PDHX: variants seen among roughly 807,000 people sequenced by gnomAD.
PDHX encodes the protein pyruvate dehydrogenase protein X component, mitochondrial.
Under a neutral mutation model 55.3 loss-of-function variants are expected in PDHX, and 33 were observed. The observed-to-expected ratio is 0.60, with a 90% CI of 0.45 to 0.80. The LOEUF is 0.80. Ranked by LOEUF, PDHX falls within the 30% of genes least tolerant of loss-of-function variation. PDHX has a pLI of 0.00. For synonymous variants in PDHX, 226 were observed against 219.4 expected, an observed-to-expected ratio of 1.03 and a Z score of -0.27; for missense variants, 622 against 619.9, an observed-to-expected ratio of 1.00 and a Z score of -0.04.
At chr11:34,943,062 T>TG (rs1393905629) in intron 2 of PDHX, among the ~76,000 whole-genome samples, 1 of 151,958 alleles carries the variant, frequency 6.6e-6, no homozygotes, top group Non-Finnish European at 1.5e-5. Context: ...TCATGTTTTT[T>TG]TCTAAAGCAT....
chr11:34,955,957 C>T (rs1294045870), intron 3 of PDHX, among the ~76,000 whole-genome samples: 1 of 151,948 alleles, frequency 6.6e-6, no homozygotes, highest in African/African-American at 2.4e-5. Context: ...GAAAATTAGT[C>T]ATTTTACTTT....
intron 9 of PDHX, among the ~76,000 whole-genome samples, chr11:34,988,726 CT>C (rs1243729001): frequency 6.6e-6 from 1 of 152,148 alleles, no homozygotes; most frequent in Non-Finnish European, 1.5e-5. Flanking sequence ...TAAGACCAAT[CT>C]TTTGGTTTGG....
intron 2 of PDHX, among the ~76,000 whole-genome samples, chr11:34,945,835 G>A (rs1854607998): frequency 6.6e-6 from 1 of 152,112 alleles, no homozygotes; most frequent in Admixed American, 6.5e-5. Context: ...TCAAGATTTA[G>A]AACATTCTTA....
chr11:34,951,921 G>T (rs1169840106), intron 3 of PDHX, among the ~76,000 whole-genome samples: 2 of 152,046 alleles, frequency 1.3e-5, no homozygotes, highest in South Asian at 2.1e-4. Context: ...CATATGGCTA[G>T]CCAGTTTTCC....
In PDHX at chr11:34,966,567, A is replaced by G. The variant is rs372832411; in HGVS notation, c.642-73A>G. On this transcript the variant is annotated intron_variant, in intron 5 of 10. Transcript: ENST00000227868. The stretch of plus-strand genomic sequence containing the variant: ...TTTCTGTATCTTTTCTCCACATCTC[A>G]CCTGCGTTTTCTGAAAGTTCTGTTA... 7 of 1,354,004 alleles carry G rather than the reference A, an allele frequency of 5.2e-6. No individual in the cohort carries two copies. In the African/African-American group the frequency reaches 1.0e-4, roughly 19 times the overall value. 83.9% of individuals were successfully genotyped at this position (1,354,004 alleles called of 1,614,324 possible).
chr11:34,915,992 TG>T (rs1223571121), upstream of PDHX: 1 of 590,912 alleles, frequency 1.7e-6, no homozygotes, highest in Non-Finnish European at 2.9e-6. Context: ...TTCCAACGTT[TG>T]GCGCCCAGCT....
chr11:34,928,781 AGTATGTGT>A (rs1273885513), intron 1 of PDHX, among the ~76,000 whole-genome samples: 3 of 152,092 alleles, frequency 2.0e-5, no homozygotes, highest in East Asian at 3.8e-4. Context: ...TGTGTAAGAG[AGTATGTGT>A]GTATGTGTGT....
intron 1 of PDHX, among the ~76,000 whole-genome samples, chr11:34,929,487 G>A (rs1202285134): frequency 6.6e-6 from 1 of 152,130 alleles, no homozygotes; most frequent in Non-Finnish European, 1.5e-5. Context: ...CGGCAAAAGT[G>A]GTGTTTTAAT....
At position 34,960,443 on chromosome 11, in the gene PDHX, G is replaced by A. The variant is rs61752925; in HGVS notation, c.566G>A (p.Arg189His). The change falls in exon 5 of 11, where the codon CGC becomes CAC. Residue 189 changes from arginine to histidine, a missense_variant. Arg to His is a conservative substitution (Grantham distance 29). Transcript: ENST00000227868. ...TLRFRLSPAA[R>H]NILEKHSLDA... ...AGGTTCCGTTTAAGTCCAGCTGCCC[G>A]CAATATTCTGGAAAAACACTCACTG... is the stretch of plus-strand genomic sequence containing the variant. 1.2e-3 allele frequency: 1,906 copies of A among 1,612,678 alleles called. 20 individuals carry two copies. In the African/African-American group the frequency reaches 0.022, roughly 19 times the overall value.
intron 6 of PDHX, among the ~76,000 whole-genome samples, chr11:34,969,076 C>G (rs1334888404): frequency 1.3e-5 from 2 of 152,188 alleles, no homozygotes; most frequent in African/African-American, 4.8e-5. Flanking sequence ...TCAGGGCAAA[C>G]AACCACTGCT....
intron 1 of PDHX, among the ~76,000 whole-genome samples, chr11:34,926,475 T>C (rs1854024484): frequency 6.6e-6 from 1 of 152,162 alleles, no homozygotes; most frequent in South Asian, 2.1e-4. Context: ...CTTCATTTCA[T>C]GATTTTTGCA....
intron 10 of PDHX, among the ~76,000 whole-genome samples, chr11:34,993,580 A>G (rs7123633): frequency 0.047 from 7,171 of 152,122 alleles, 537 homozygotes; most frequent in African/African-American, 0.16. Context: ...TGAAAAGGTG[A>G]TTATATATGT....
At chr11:34,923,534 T>C (rs1422203312) in intron 1 of PDHX, among the ~76,000 whole-genome samples, 6 of 152,188 alleles carry the variant, frequency 3.9e-5, no homozygotes, top group Non-Finnish European at 7.4e-5. Context: ...ACTATTTCCA[T>C]AAACATTTTG....
At chr11:34,922,784 A>C (rs984519840) in intron 1 of PDHX, among the ~76,000 whole-genome samples, 1 of 121,832 alleles carries the variant, frequency 8.2e-6, no homozygotes, top group Non-Finnish European at 1.9e-5. Flanking sequence ...AAGGTGATGT[A>C]CTCTTAAATA....
intron 2 of PDHX, among the ~76,000 whole-genome samples, chr11:34,943,638 C>A (rs1402606459): frequency 6.6e-6 from 1 of 152,182 alleles, no homozygotes. Context: ...ATACAAAGGT[C>A]ATTTTTGGTC....
Position 34,960,683 on chromosome 11 carries a change from AAG to A in PDHX, c.641+168_641+169del, listed in dbSNP as rs535510683. ...TATCATTGTAAATTGTATTCTATGC[AAG>A]AGTTGTTTTCTGAATAATTATAGCA... On this transcript the variant is annotated intron_variant, in intron 5 of 10. Transcript: ENST00000227868. Among the ~76,000 whole-genome samples the A allele has an allele frequency of 2.5e-3, 378 of 152,268 alleles. 1 individual carries two copies. Among genetic ancestry groups the A allele is most frequent in the African/African-American group, 8.6e-3 (357 of 41,532 alleles).
chr11:34,939,121 C>T (rs1854409123), intron 2 of PDHX, among the ~76,000 whole-genome samples: 8 of 144,498 alleles, frequency 5.5e-5, no homozygotes. Context: ...GTTCTTGGTA[C>T]ATTTATGATA....
chr11:34,917,654 C>T (rs190603617), intron 1 of PDHX, among the ~76,000 whole-genome samples: 320 of 151,998 alleles, frequency 2.1e-3, no homozygotes, highest in Non-Finnish European at 1.6e-3. Flanking sequence ...GTCTAGTAGA[C>T]GTTGCCTTCA....
intron 9 of PDHX, among the ~76,000 whole-genome samples, chr11:34,988,975 TA>T (rs1441522513): frequency 6.6e-6 from 1 of 152,200 alleles, no homozygotes; most frequent in African/African-American, 2.4e-5. Flanking sequence ...TAGGAAAAAA[TA>T]GTACAGTCAT....
Sources: gnomAD v4.1 joint callset for allele counts (sites outside exome capture counted in the v4.1 genomes callset) on GRCh38, gnomAD v4.1.1 for gene constraint, MANE v1.5 for transcripts, NCBI Gene and HGNC (gene_info 2026-07-23, HGNC 2026-07-21) for gene names.